TAS2R1: variants seen among roughly 807,000 people sequenced by gnomAD.
TAS2R1 encodes taste 2 receptor member 1.
For synonymous variants in TAS2R1, 141 were observed against 134.2 expected (o/e 1.05, Z -0.35); for missense variants, 370 against 353.4 (o/e 1.05, Z -0.38).
chr5:9,885,232 T>C, the TAS2R1 span, among the ~76,000 whole-genome samples: 17 of 152,358 alleles, frequency 1.1e-4, no homozygotes, highest in East Asian at 3.3e-3. Flanking sequence ...ATTATAGCAA[T>C]ACAATTTTTA....
the TAS2R1 span, among the ~76,000 whole-genome samples, chr5:9,885,308 A>T: frequency 6.6e-6 from 1 of 152,368 alleles, no homozygotes; most frequent in East Asian, 1.9e-4. Context: ...AAGTACAGCC[A>T]TGTGGTTAAA....
At chr5:9,650,617 C>T (rs1740286736) in intron 2 of TAS2R1, among the ~76,000 whole-genome samples, 1 of 152,110 alleles carries the variant, frequency 6.6e-6, no homozygotes, top group South Asian at 2.1e-4. Context: ...TAGAACATTC[C>T]TTCTTCCAGA....
chr5:9,639,233 T>C (rs1579763168), intron 2 of TAS2R1, among the ~76,000 whole-genome samples: 1 of 152,150 alleles, frequency 6.6e-6, no homozygotes, highest in African/African-American at 2.4e-5. Context: ...CAAGGGACCC[T>C]GTGAGATATA....
chr5:9,719,739 A>T, the TAS2R1 span, among the ~76,000 whole-genome samples: 1 of 150,348 alleles, frequency 6.7e-6, no homozygotes, highest in Non-Finnish European at 1.5e-5. Context: ...CCACGGTGAA[A>T]CCCCGTCTCT....
At chr5:9,755,542 G>A in the TAS2R1 span, among the ~76,000 whole-genome samples, 14 of 147,548 alleles carry the variant, frequency 9.5e-5, no homozygotes, top group Admixed American at 2.8e-4. Context: ...AGCCAAGATC[G>A]TGCCATGGCA....
the TAS2R1 span, among the ~76,000 whole-genome samples, chr5:9,868,895 G>A: frequency 2.6e-5 from 4 of 152,276 alleles, no homozygotes; most frequent in South Asian, 6.2e-4. Flanking sequence ...CCTAGCTATA[G>A]TGACCTTTTC....
chr5:9,746,502 A>G, the TAS2R1 span, among the ~76,000 whole-genome samples: 38 of 152,332 alleles, frequency 2.5e-4, no homozygotes, highest in Admixed American at 1.1e-3. Context: ...AATAGCAAAG[A>G]CTTGGAATCA....
At chr5:9,808,239 T>C in the TAS2R1 span, among the ~76,000 whole-genome samples, 1 of 152,120 alleles carries the variant, frequency 6.6e-6, no homozygotes, top group African/African-American at 2.4e-5. Flanking sequence ...TCTGATGAAG[T>C]CACAGATGAA....
At chr5:9,730,164 T>A in the TAS2R1 span, among the ~76,000 whole-genome samples, 4 of 152,222 alleles carry the variant, frequency 2.6e-5, no homozygotes, top group Non-Finnish European at 4.4e-5. Context: ...GATATAAAGA[T>A]GATTTTGATG....
intron 1 of TAS2R1, among the ~76,000 whole-genome samples, chr5:9,705,033 GTTC>G (rs1056907040): frequency 1.3e-5 from 2 of 151,542 alleles, no homozygotes; most frequent in Admixed American, 6.6e-5. Context: ...CTAATTGGTT[GTTC>G]TTCTTCAATG....
At chr5:9,793,526 G>A in the TAS2R1 span, among the ~76,000 whole-genome samples, 2 of 152,136 alleles carry the variant, frequency 1.3e-5, no homozygotes, top group African/African-American at 4.8e-5. Context: ...CATAAGATAG[G>A]AGGCCTTGGA....
intron 2 of TAS2R1, among the ~76,000 whole-genome samples, chr5:9,635,960 TC>T (rs1739956098): frequency 6.6e-6 from 1 of 152,098 alleles, no homozygotes; most frequent in Admixed American, 6.6e-5. Context: ...ATTTGTTATT[TC>T]TTTTTTTTCT....
At chr5:9,839,346 C>T in the TAS2R1 span, among the ~76,000 whole-genome samples, 1 of 152,166 alleles carries the variant, frequency 6.6e-6, no homozygotes, top group East Asian at 1.9e-4. Context: ...TATATGATAT[C>T]AGCAATAAAA....
intron 2 of TAS2R1, among the ~76,000 whole-genome samples, chr5:9,651,299 A>C (rs1274594782): frequency 6.6e-6 from 1 of 152,208 alleles, no homozygotes; most frequent in African/African-American, 2.4e-5. Context: ...AAATCTGTGC[A>C]GTGACTTATG....
the TAS2R1 span, among the ~76,000 whole-genome samples, chr5:9,721,333 C>T: frequency 6.6e-6 from 1 of 152,222 alleles, no homozygotes; most frequent in Non-Finnish European, 1.5e-5. Flanking sequence ...CTTCAAGCTA[C>T]AGGATCTGGA....
chr5:9,748,882 A>G, the TAS2R1 span, among the ~76,000 whole-genome samples: 39 of 152,206 alleles, frequency 2.6e-4, no homozygotes, highest in African/African-American at 8.7e-4. Context: ...ACTCCTCTAC[A>G]AATCTCTCAC....
At chr5:9,728,391 T>C in the TAS2R1 span, among the ~76,000 whole-genome samples, 1 of 152,198 alleles carries the variant, frequency 6.6e-6, no homozygotes, top group Non-Finnish European at 1.5e-5. Flanking sequence ...ATTTACACAG[T>C]GTTTTCACGA....
chr5:9,893,716 A>G, the TAS2R1 span, among the ~76,000 whole-genome samples: 325 of 152,252 alleles, frequency 2.1e-3, no homozygotes, highest in African/African-American at 7.7e-3. Context: ...ATACCTGTTC[A>G]CTTTTGTACA....
chr5:9,718,464 G>A, the TAS2R1 span, among the ~76,000 whole-genome samples: 1 of 151,702 alleles, frequency 6.6e-6, no homozygotes, highest in African/African-American at 2.4e-5. Flanking sequence ...AGAACCATAT[G>A]AAAAGATGCT....
Sources: gnomAD v4.1 joint callset for allele counts (sites outside exome capture counted in the v4.1 genomes callset) on GRCh38, gnomAD v4.1.1 for gene constraint, MANE v1.5 for transcripts, NCBI Gene and HGNC (gene_info 2026-07-23, HGNC 2026-07-21) for gene names.